Variants in ALK observed in about 807,000 individuals in gnomAD.
ALK encodes ALK tyrosine kinase receptor.
In ALK, 74 loss-of-function variants were observed where a neutral mutation model predicts 163.1. That is an observed-to-expected ratio of 0.45 (90% CI 0.38 to 0.55). The LOEUF (loss-of-function observed/expected upper bound fraction) is 0.55. Ranked by LOEUF, ALK falls within the 20% of genes least tolerant of loss-of-function variation. The pLI is 0.00. For synonymous variants in ALK, 960 were observed against 843.2 expected (o/e 1.14, Z -2.40); for missense variants, 2,063 against 2,105.3 (o/e 0.98, Z 0.39).
rs1213377465 is a variant in ALK at position 29,462,508 on chromosome 2, AT to A, written c.1154+69406del. Among the ~76,000 whole-genome samples, 4 of 152,170 alleles carry A rather than the reference AT, an allele frequency of 2.6e-5. No homozygotes were observed. The East Asian group carries it at 7.7e-4, about 29-fold the overall frequency. The stretch of plus-strand genomic sequence containing the variant: ...GGTCAGACCTGCCACGAGCTAAGAG[AT>A]TCTGACTCACCGAAGGCTCAAATGA... On this transcript the variant is annotated intron_variant, in intron 4 of 28. Coordinates refer to ENST00000389048, the MANE Select transcript of ALK (RefSeq NM_004304.5).
chr2:29,365,479 T>A (rs1350988805), intron 5 of ALK, among the ~76,000 whole-genome samples: 1 of 151,890 alleles, frequency 6.6e-6, no homozygotes, highest in Non-Finnish European at 1.5e-5. Context: ...AGAAAGAGGG[T>A]CCAGCTCCAA....
chr2:29,696,300 G>A (rs777618800), intron 2 of ALK, among the ~76,000 whole-genome samples: 20 of 151,940 alleles, frequency 1.3e-4, no homozygotes, highest in Non-Finnish European at 2.2e-4. Context: ...AACCAAATAC[G>A]GCATGTTCTC....
intron 2 of ALK, among the ~76,000 whole-genome samples, chr2:29,714,035 C>T (rs945212552): frequency 7.2e-5 from 11 of 151,956 alleles, no homozygotes; most frequent in Non-Finnish European, 1.6e-4. Context: ...TCAAAACCCC[C>T]GGTGGCCTCA....
In ALK at chr2:29,676,034, A is replaced by AT. The variant is rs555602913; in HGVS notation, c.952+18815dup. 9.1e-4 allele frequency among the ~76,000 whole-genome samples: 138 copies of AT among 151,972 alleles called. 1 individual carries two copies. The highest frequency in any genetic ancestry group is 3.1e-3 in the African/African-American group (129 of 41,510). ...GGTGATGGCACCTGGCCTGAATCTT[A>AT]TTTTTTAATTCAGCTTTTAGTCTTA... On this transcript the variant is annotated intron_variant, in intron 3 of 28. Transcript: ENST00000389048.
At chr2:29,460,103 GC>G (rs1233753759) in intron 4 of ALK, among the ~76,000 whole-genome samples, 1 of 152,148 alleles carries the variant, frequency 6.6e-6, no homozygotes, top group East Asian at 1.9e-4. Flanking sequence ...TGACTACCTT[GC>G]AGTAGGAGTG....
chr2:29,252,926 A>T (rs900928873), intron 11 of ALK, among the ~76,000 whole-genome samples: 1 of 151,680 alleles, frequency 6.6e-6, no homozygotes, highest in Non-Finnish European at 1.5e-5. Flanking sequence ...CTGGGCTGAA[A>T]CAATCTTCCT....
intron 3 of ALK, among the ~76,000 whole-genome samples, chr2:29,640,116 C>T (rs2339542): frequency 0.62 from 94,674 of 152,082 alleles, 30,408 homozygotes; most frequent in East Asian, 0.73. Flanking sequence ...CCAGTTCCCC[C>T]TTCTGTCTCC....
intron 4 of ALK, among the ~76,000 whole-genome samples, chr2:29,492,191 C>T (rs1671918883): frequency 6.6e-6 from 1 of 152,130 alleles, no homozygotes; most frequent in African/African-American, 2.4e-5. Flanking sequence ...TAATTGACAA[C>T]ACTATATTTA....
chr2:29,620,217 G>C (rs2148228432), intron 3 of ALK, among the ~76,000 whole-genome samples: 1 of 152,242 alleles, frequency 6.6e-6, no homozygotes, highest in South Asian at 2.1e-4. Flanking sequence ...CTGGATGCTG[G>C]AAGTCCAAAA....
chr2:29,192,875 A>ATT lies in ALK; in HGVS notation c.*348_*349insAA, dbSNP rs1573076490. ...GAAACATCTATGACCCCAACTATGA[A>ATT]ACATAGAAGCAGCTAATTCTGACTA... On this transcript the variant is annotated 3_prime_UTR_variant, in exon 29 of 29. Transcript: ENST00000389048. 4.9e-6 allele frequency: 2 copies of ATT among 409,884 alleles called. No individual in the cohort carries two copies. Among genetic ancestry groups the ATT allele is most frequent in the East Asian group, 8.5e-5 (2 of 23,654 alleles). The allele number at this position is 409,884 out of a possible 1,614,324, so 25.4% of individuals were successfully genotyped here.
At chr2:29,293,248 A>T (rs894713811) in intron 9 of ALK, among the ~76,000 whole-genome samples, 1 of 152,238 alleles carries the variant, frequency 6.6e-6, no homozygotes, top group African/African-American at 2.4e-5. Flanking sequence ...AGATTCCATC[A>T]AGTGAAATTC....
chr2:29,889,021 G>A (rs1000741881), intron 1 of ALK, among the ~76,000 whole-genome samples: 1 of 152,294 alleles, frequency 6.6e-6, no homozygotes, highest in South Asian at 2.1e-4. Context: ...TCAACTGTGG[G>A]AGCATCTCTG....
intron 3 of ALK, among the ~76,000 whole-genome samples, chr2:29,532,837 T>C (rs62131080): frequency 0.016 from 2,444 of 152,324 alleles, 38 homozygotes; most frequent in Non-Finnish European, 0.024. Context: ...CTTTGAAGTT[T>C]TGGGCCATTA....
At position 29,881,406 on chromosome 2, in the gene ALK, T is replaced by A. The variant is rs184364164; in HGVS notation, c.667+38587A>T. Among the ~76,000 whole-genome samples the A allele has an allele frequency of 4.1e-3, 632 of 152,324 alleles. 4 individuals carry two copies. Among genetic ancestry groups the A allele is most frequent in the Middle Eastern group, 0.02 (6 of 294 alleles). On this transcript the variant is annotated intron_variant, in intron 1 of 28. Transcript: ENST00000389048. ...TCTGATTGGCAGGTTGGTGCTTTTA[T>A]CAAATTTCAGAGAGGAGCATTTCTG...
At chr2:29,908,827 G>A (rs916384610) in intron 1 of ALK, among the ~76,000 whole-genome samples, 1 of 152,184 alleles carries the variant, frequency 6.6e-6, no homozygotes, top group African/African-American at 2.4e-5. Context: ...GCATTCAAGT[G>A]CTGCCTTTTA....
At chr2:29,705,273 A>ATATC (rs1558451271) in intron 2 of ALK, among the ~76,000 whole-genome samples, 1 of 50,882 alleles carries the variant, frequency 2.0e-5, no homozygotes, top group African/African-American at 1.8e-4. Flanking sequence ...ATATATATAT[A>ATATC]TATATATAAA....
At chr2:29,630,332 C>A (rs1676327237) in intron 3 of ALK, among the ~76,000 whole-genome samples, 1 of 152,130 alleles carries the variant, frequency 6.6e-6, no homozygotes, top group Non-Finnish European at 1.5e-5. Flanking sequence ...TTTAGTGATT[C>A]TCTGGTATTA....
intron 4 of ALK, among the ~76,000 whole-genome samples, chr2:29,457,557 C>T (rs903184323): frequency 2.0e-5 from 3 of 152,140 alleles, no homozygotes; most frequent in Non-Finnish European, 4.4e-5. Context: ...CCCTATTGTA[C>T]ACTTGTCTAG....
chr2:29,634,020 A>G (rs977348550), intron 3 of ALK, among the ~76,000 whole-genome samples: 7 of 152,214 alleles, frequency 4.6e-5, no homozygotes, highest in Non-Finnish European at 8.8e-5. Flanking sequence ...CAAATAGAAG[A>G]GGTACAATTT....
Sources: allele counts gnomAD v4.1 joint callset (sites outside exome capture counted in the v4.1 genomes callset), GRCh38; gene constraint gnomAD v4.1.1; transcripts MANE v1.5; gene names NCBI Gene and HGNC (gene_info 2026-07-23, HGNC 2026-07-21).